Variants in GLYATL2 observed in about 807,000 individuals in gnomAD.
GLYATL2 encodes glycine N-acyltransferase-like protein 2.
GLYATL2 carries 25 observed loss-of-function variants against 21.4 expected under a neutral mutation model. That is an observed-to-expected ratio of 1.17 (90% CI 0.85 to 1.63). The LOEUF is 1.63. Among genes scored for constraint, GLYATL2 ranks in the 40% most tolerant of loss-of-function variants. The pLI is 0.00. For synonymous variants in GLYATL2, 114 were observed against 118.2 expected (o/e 0.96, Z 0.23); for missense variants, 361 against 343.3 (o/e 1.05, Z -0.41).
At chr11:58,889,970 A>G (rs997600839) in intron 1 of GLYATL2, among the ~76,000 whole-genome samples, 8 of 152,202 alleles carry the variant, frequency 5.3e-5, no homozygotes, top group Middle Eastern at 3.4e-3. Flanking sequence ...TTCCTTTTAG[A>G]TACAGGGGTT....
intron 1 of GLYATL2, among the ~76,000 whole-genome samples, chr11:58,855,617 C>G (rs1205902431): frequency 3.3e-5 from 5 of 152,224 alleles, no homozygotes; most frequent in African/African-American, 1.2e-4. Flanking sequence ...AGAAAGTCAG[C>G]CTGTCCTTTG....
chr11:58,858,051 A>G (rs1329023161), intron 1 of GLYATL2, among the ~76,000 whole-genome samples: 1 of 152,216 alleles, frequency 6.6e-6, no homozygotes, highest in Non-Finnish European at 1.5e-5. Context: ...TCTACACTGG[A>G]TAAGAATATT....
chr11:58,875,228 C>G (rs1339924332), intron 1 of GLYATL2, among the ~76,000 whole-genome samples: 1 of 152,132 alleles, frequency 6.6e-6, no homozygotes, highest in African/African-American at 2.4e-5. Context: ...ACTGATGGGT[C>G]TTGACTCTTT....
rs1002151726 is a variant in GLYATL2 at position 58,889,209 on chromosome 11, A to G, written n.60+14947T>C. Among the ~76,000 whole-genome samples, 5 of 151,842 alleles carry G rather than the reference A, an allele frequency of 3.3e-5. No individual in the cohort carries two copies. The South Asian group carries it at 6.2e-4, about 19-fold the overall frequency. On this transcript the variant is annotated intron_variant and non_coding_transcript_variant, in intron 1 of 4. Transcript: ENST00000533636. ...TATTTTGTTATTGCTTTTTATTTAT[A>G]TTCTTGATTTCCAAATATGTCACAC... is the stretch of plus-strand genomic sequence containing the variant.
In GLYATL2 at chr11:58,834,707, C is replaced by T; in HGVS notation, c.607G>A (p.Gly203Ser). The T allele has an allele frequency of 6.2e-7, 1 of 1,613,592 alleles. No individual in the cohort carries two copies. Among genetic ancestry groups the T allele is most frequent in the Non-Finnish European group, 8.5e-7 (1 of 1,179,986 alleles). Residue 203 changes from glycine to serine, a missense_variant, in exon 6 of 6, where the codon GGT becomes AGT. Gly to Ser is a moderately conservative substitution (Grantham distance 56). Coordinates refer to ENST00000287275, the MANE Select transcript of GLYATL2 (RefSeq NM_145016.4). ...AGCTGGCCCTCTGGACCCAGCACAC[C>T]AAATCCTAGAAAATCCTGGAGGCAG... ...ERCLQDFLGF[G>S]VLGPEGQLVS...
intron 1 of GLYATL2, among the ~76,000 whole-genome samples, chr11:58,877,693 A>G (rs1487382905): frequency 6.6e-6 from 1 of 152,248 alleles, no homozygotes; most frequent in Non-Finnish European, 1.5e-5. Flanking sequence ...GTGATTTAAT[A>G]ACATAGAGAT....
chr11:58,857,129 A>G (rs1275060893), intron 1 of GLYATL2, among the ~76,000 whole-genome samples: 2 of 152,168 alleles, frequency 1.3e-5, no homozygotes, highest in African/African-American at 2.4e-5. Context: ...ACTGATTTAC[A>G]TTCCCACCAA....
chr11:58,905,284 C>T (rs986029306), upstream of GLYATL2: 1 of 375,460 alleles, frequency 2.7e-6, no homozygotes, highest in African/African-American at 2.1e-5. Flanking sequence ...TCCCTCTAGA[C>T]CTCACGCAGA....
intron 1 of GLYATL2, among the ~76,000 whole-genome samples, chr11:58,854,668 C>T (rs970981183): frequency 2.1e-4 from 27 of 126,256 alleles, no homozygotes; most frequent in Admixed American, 8.9e-5. Flanking sequence ...ATTAACTCTT[C>T]CTTTCAGAAA....
intron 1 of GLYATL2, among the ~76,000 whole-genome samples, chr11:58,854,925 A>T (rs1590725183): frequency 6.6e-6 from 1 of 152,226 alleles, no homozygotes; most frequent in East Asian, 1.9e-4. Flanking sequence ...AGGTTTTATC[A>T]TGAGATTGTA....
At chr11:58,851,968 T>C (rs1425018323) in intron 1 of GLYATL2, among the ~76,000 whole-genome samples, 1 of 152,192 alleles carries the variant, frequency 6.6e-6, no homozygotes, top group Non-Finnish European at 1.5e-5. Context: ...AATTTGGTCA[T>C]TGATTGAGAA....
chr11:58,901,636 A>G (rs1854741851), intron 1 of GLYATL2, among the ~76,000 whole-genome samples: 1 of 151,924 alleles, frequency 6.6e-6, no homozygotes, highest in Non-Finnish European at 1.5e-5. Context: ...AGATCCTAAG[A>G]AAACGTGAAG....
chr11:58,894,155 A>G (rs574861471), intron 1 of GLYATL2, among the ~76,000 whole-genome samples: 31 of 152,256 alleles, frequency 2.0e-4, no homozygotes, highest in Admixed American at 9.2e-4. Flanking sequence ...GCCTGCAAGT[A>G]TGGTTATAAG....
At chr11:58,869,911 A>G (rs1854087526) in intron 1 of GLYATL2, among the ~76,000 whole-genome samples, 1 of 152,156 alleles carries the variant, frequency 6.6e-6, no homozygotes, top group South Asian at 2.1e-4. Context: ...GACCAGCCTG[A>G]AAAACAAAGA....
chr11:58,892,803 G>C (rs563598819), intron 1 of GLYATL2: 2 of 324,638 alleles, frequency 6.2e-6, no homozygotes, highest in South Asian at 1.5e-4. Flanking sequence ...CTTGGAAGTA[G>C]GGATGAGATA....
chr11:58,895,728 A>T (rs2156350), intron 1 of GLYATL2, among the ~76,000 whole-genome samples: 132,148 of 152,124 alleles, frequency 0.87, 58,712 homozygotes, highest in Non-Finnish European at 0.96. Context: ...TTTTCTAACC[A>T]AAATCAGCCT....
rs1235321072 is a variant in GLYATL2, at chr11:58,837,170, T to C, written c.321A>G (p.Gln107=). Reference sequence around the variant, plus strand: ...TTCTTATTGCTTCATCCAAGCCCTCTTGGCAACCTGGAGAAAGGAGAAAGA... The same window carrying C: ...TTCTTATTGCTTCATCCAAGCCCTCCTGGCAACCTGGAGAAAGGAGAAAGA... The part of the protein sequence containing the change: ...WEQTLQIQGC[Q]EGLDEAIRKV... Residue 107 remains glutamine (Q), a synonymous_variant, in exon 5 of 6, where the codon CAA becomes CAG. Transcript: ENST00000287275. 15 of 1,613,538 alleles carry C rather than the reference T, an allele frequency of 9.3e-6. No individual in the cohort carries two copies. Among genetic ancestry groups the C allele is most frequent in the Non-Finnish European group, 1.2e-5 (14 of 1,179,838 alleles).
intron 1 of GLYATL2, among the ~76,000 whole-genome samples, chr11:58,896,041 A>T (rs549319426): frequency 1.3e-5 from 2 of 152,152 alleles, no homozygotes; most frequent in Admixed American, 6.5e-5. Flanking sequence ...TTTTTTTAGT[A>T]GGATGGGGTT....
chr11:58,885,308 C>T (rs1854416453), intron 1 of GLYATL2: 2 of 253,650 alleles, frequency 7.9e-6, no homozygotes, highest in South Asian at 5.4e-5. Flanking sequence ...AGATGCTGCT[C>T]ATCTCACCAT....
Sources: gnomAD v4.1 joint callset for allele counts (sites outside exome capture counted in the v4.1 genomes callset) on GRCh38, gnomAD v4.1.1 for gene constraint, MANE v1.5 for transcripts, NCBI Gene and HGNC (gene_info 2026-07-23, HGNC 2026-07-21) for gene names.